The following DAB1 variants were observed in gnomAD, a reference collection of about 807,000 sequenced individuals.
DAB1 encodes disabled homolog 1.
In DAB1, 15 loss-of-function variants were observed where a neutral mutation model predicts 64.6. The ratio of observed to expected loss-of-function variants is 0.23; its 90% CI spans 0.16 to 0.36. DAB1 has a LOEUF of 0.36. DAB1 is among the 10% of genes least tolerant of loss of function. The pLI, the probability that DAB1 is intolerant of heterozygous loss-of-function variation, is 1.00. For synonymous variants in DAB1, 235 were observed against 251.9 expected, an observed-to-expected ratio of 0.93 and a Z score of 0.64; for missense variants, 596 against 706.7, an observed-to-expected ratio of 0.84 and a Z score of 1.78.
intron 5 of DAB1, among the ~76,000 whole-genome samples, chr1:58,147,492 C>T (rs1654670803): frequency 6.7e-6 from 1 of 149,750 alleles, no homozygotes; most frequent in South Asian, 2.1e-4. Flanking sequence ...GTGGCAGACG[C>T]CTGTAGTCCC....
intron 3 of DAB1, among the ~76,000 whole-genome samples, chr1:58,450,671 G>A (rs1645125335): frequency 6.6e-6 from 1 of 152,128 alleles, no homozygotes; most frequent in South Asian, 2.1e-4. Context: ...GGAGAATGGC[G>A]TGAACCCGGG....
At chr1:58,414,965 C>T (rs1644705110) in intron 3 of DAB1, among the ~76,000 whole-genome samples, 1 of 152,038 alleles carries the variant, frequency 6.6e-6, no homozygotes, top group Non-Finnish European at 1.5e-5. Context: ...GTTGCGTGGG[C>T]TGTAATACTT....
At chr1:57,880,920 G>A (rs935153347) in intron 1 of DAB1, 1 of 152,092 alleles carries the variant, frequency 6.6e-6, no homozygotes, top group Non-Finnish European at 1.5e-5. Flanking sequence ...TATTTTACTT[G>A]TTGAATTCTT....
At chr1:57,822,089 T>A (rs980649843), downstream of DAB1, among the ~76,000 whole-genome samples, 2 of 152,060 alleles carry the variant, frequency 1.3e-5, no homozygotes, top group East Asian at 3.9e-4. Context: ...GTAGGTGGAG[T>A]ACGTATCTGA....
chr1:57,724,562 T>C (rs1296293689), intron 6 of DAB1, among the ~76,000 whole-genome samples: 2 of 152,166 alleles, frequency 1.3e-5, no homozygotes, highest in Non-Finnish European at 2.9e-5. Flanking sequence ...TGAGTGAGTT[T>C]GGTAATTTCA....
intron 5 of DAB1, among the ~76,000 whole-genome samples, chr1:58,146,162 G>C (rs1654580493): frequency 6.6e-6 from 1 of 152,094 alleles, no homozygotes; most frequent in African/African-American, 2.4e-5. Context: ...AAGGCTTCTG[G>C]TCAACAGTAG....
intron 3 of DAB1, among the ~76,000 whole-genome samples, chr1:58,492,500 A>C (rs1430088031): frequency 6.6e-6 from 1 of 152,224 alleles, no homozygotes; most frequent in Non-Finnish European, 1.5e-5. Context: ...AAAGATCAAC[A>C]AAATTGATAG....
intron 4 of DAB1, among the ~76,000 whole-genome samples, chr1:58,309,963 T>C (rs981008349): frequency 6.6e-5 from 10 of 152,336 alleles, no homozygotes; most frequent in Admixed American, 2.0e-4. Context: ...TGATGATTCC[T>C]GGCCAGATCT....
intron 2 of DAB1, among the ~76,000 whole-genome samples, chr1:57,210,709 T>C (rs1337103067): frequency 6.6e-6 from 1 of 152,210 alleles, no homozygotes; most frequent in African/African-American, 2.4e-5. Context: ...GGCCATGTAG[T>C]TGCAATCGAG....
chr1:57,761,099 G>A (rs1649067026), intron 6 of DAB1, among the ~76,000 whole-genome samples: 1 of 152,200 alleles, frequency 6.6e-6, no homozygotes, highest in Non-Finnish European at 1.5e-5. Context: ...CACATTTAGT[G>A]AATTCTTGGA....
At chr1:57,606,111 C>A in intron 7 of DAB1, 2 of 455,332 alleles carry the variant, frequency 4.4e-6, no homozygotes, top group East Asian at 4.4e-5. Context: ...ATACCATCTC[C>A]TGGGATTTTA....
chr1:57,202,901 T>C (rs1367716948), intron 2 of DAB1, among the ~76,000 whole-genome samples: 1 of 152,224 alleles, frequency 6.6e-6, no homozygotes, highest in Admixed American at 6.5e-5. Flanking sequence ...ATTCATTCAT[T>C]CTCTGGTAAT....
chr1:57,641,378 G>GTTTTTTTTTTTT lies in DAB1; in HGVS notation n.625+8213_625+8214insAAAAAAAAAAAA, dbSNP rs1491296848. ...TGCCCAGTTCCCTCTTTTTTTTGTT[G>GTTTTTTTTTTTT]GTTTTTTTTTTTTTTTTTTTTTTGA... On this transcript the variant is annotated intron_variant and non_coding_transcript_variant, in intron 7 of 20. Coordinates refer to the DAB1 transcript ENST00000485760. 1.2e-4 allele frequency among the ~76,000 whole-genome samples: 13 copies of GTTTTTTTTTTTT among 109,804 alleles called. 1 individual carries two copies. Among genetic ancestry groups the GTTTTTTTTTTTT allele is most frequent in the African/African-American group, 3.0e-4 (9 of 30,010 alleles). 72.0% of individuals were successfully genotyped at this position (109,804 alleles called of 152,430 possible). A position where few individuals can be genotyped will look rare whatever the true frequency, so the allele number is the denominator to read the frequency against.
chr1:57,938,192 T>C (rs113636180), intron 5 of DAB1, among the ~76,000 whole-genome samples: 2 of 152,234 alleles, frequency 1.3e-5, no homozygotes, highest in Non-Finnish European at 2.9e-5. Context: ...AGGGCCTTTC[T>C]GAACTTTAGC....
chr1:58,184,256 AAAAT>A (rs1656953404), intron 4 of DAB1, among the ~76,000 whole-genome samples: 1 of 149,724 alleles, frequency 6.7e-6, no homozygotes, highest in South Asian at 2.1e-4. Context: ...ATTATTAATA[AAAAT>A]AAAGATTTTA....
intron 6 of DAB1, among the ~76,000 whole-genome samples, chr1:57,674,087 G>C (rs1428402082): frequency 6.6e-6 from 1 of 152,176 alleles, no homozygotes; most frequent in Non-Finnish European, 1.5e-5. Context: ...GGTTTTCAGA[G>C]AGAATCAGCT....
chr1:57,575,757 C>T (rs1645242354), intron 7 of DAB1, among the ~76,000 whole-genome samples: 1 of 152,144 alleles, frequency 6.6e-6, no homozygotes, highest in Non-Finnish European at 1.5e-5. Context: ...GACTGTAAGC[C>T]ATTCTTTAAT....
At chr1:57,332,567 A>G (rs1168967849) in intron 1 of DAB1, among the ~76,000 whole-genome samples, 1 of 152,232 alleles carries the variant, frequency 6.6e-6, no homozygotes, top group East Asian at 1.9e-4. Flanking sequence ...CCCAAGGTTC[A>G]GCTTCCTTTC....
intron 6 of DAB1, among the ~76,000 whole-genome samples, chr1:57,733,496 A>G (rs1046273694): frequency 6.6e-6 from 1 of 152,094 alleles, no homozygotes; most frequent in African/African-American, 2.4e-5. Flanking sequence ...ACTTATGCTA[A>G]GCCAGTTTAT....
Sources: allele counts gnomAD v4.1 joint callset (sites outside exome capture counted in the v4.1 genomes callset), GRCh38; gene constraint gnomAD v4.1.1; transcripts MANE v1.5; gene names NCBI Gene and HGNC (gene_info 2026-07-23, HGNC 2026-07-21).